Variants in LONRF2 observed in about 807,000 individuals in gnomAD.
LONRF2 encodes the protein LON peptidase N-terminal domain and ring finger 2, also known as LON peptidase N-terminal domain and RING finger protein 2.
In LONRF2, 35 loss-of-function variants were observed where a neutral mutation model predicts 66.6. That is an observed-to-expected ratio of 0.53 (90% CI 0.40 to 0.70). The LOEUF (loss-of-function observed/expected upper bound fraction) is 0.70. Among genes scored for constraint, LONRF2 ranks in the 30% least tolerant of loss-of-function variants. LONRF2 has a pLI of 0.00. For synonymous variants in LONRF2, 417 were observed against 418.1 expected, an observed-to-expected ratio of 1.00 and a Z score of 0.03; for missense variants, 902 against 1,002.1, an observed-to-expected ratio of 0.90 and a Z score of 1.35.
rs114518866 is a variant in LONRF2, at chr2:100,298,926, C to T, written c.1386G>A (p.Thr462=). 43 of 1,613,836 alleles carry T rather than the reference C, an allele frequency of 2.7e-5. No individual in the cohort carries two copies. In the East Asian group the frequency reaches 2.7e-4, roughly 10 times the overall value. The change falls in exon 7 of 12, where the codon ACG becomes ACA. Residue 462 remains threonine, a synonymous_variant. Transcript: ENST00000393437. ...TTAGGCAAAATGTGTGTCCACAGGG[C>T]GTAGTGACAGGTTCAAAGAGCAATC... ...CMRLLFEPVT[T]PCGHTFCLKC...
chr2:100,316,897 T>C (rs1675520304), intron 1 of LONRF2, among the ~76,000 whole-genome samples: 1 of 152,114 alleles, frequency 6.6e-6, no homozygotes, highest in South Asian at 2.1e-4. Context: ...TTATTACACA[T>C]TTTTTTTCTG....
At position 100,273,363 on chromosome 2, in the gene LONRF2, A is replaced by G. The variant is rs931826717; in HGVS notation, c.*10935T>C. 2 of 152,268 alleles carry G rather than the reference A, an allele frequency of 1.3e-5. No individual in the cohort carries two copies. The highest frequency in any genetic ancestry group is 2.9e-5 in the Non-Finnish European group (2 of 68,046). The allele number at this position is 152,268 out of a possible 1,614,324, so 9.4% of individuals were successfully genotyped here. ...ATGTGTTAGTACATCCCTACGACACAAACACAAAGGCCTAGGCACTGATTT... is the reference window on the plus strand; with the variant it reads ...ATGTGTTAGTACATCCCTACGACACGAACACAAAGGCCTAGGCACTGATTT... On this transcript the variant is annotated 3_prime_UTR_variant, in exon 12 of 12. Coordinates refer to ENST00000393437, the MANE Select transcript of LONRF2 (RefSeq NM_198461.4).
At chr2:100,311,962 A>G (rs1675419043) in intron 1 of LONRF2, among the ~76,000 whole-genome samples, 1 of 152,204 alleles carries the variant, frequency 6.6e-6, no homozygotes, top group South Asian at 2.1e-4. Context: ...GGATTTTGAC[A>G]TCTATATACA....
At position 100,309,138 on chromosome 2, in the gene LONRF2, G is replaced by A. The variant is rs765842061; in HGVS notation, c.767C>T (p.Ala256Val). The A allele has an allele frequency of 3.7e-6, 6 of 1,602,194 alleles. No individual in the cohort carries two copies. Among genetic ancestry groups the A allele is most frequent in the Non-Finnish European group, 4.3e-6 (5 of 1,175,720 alleles). Residue 256 changes from alanine to valine, a missense_variant, in exon 2 of 12, where the codon GCA becomes GTA. Physicochemically the swap from Ala to Val is moderately conservative, Grantham distance 64. Around this residue, in one of 2 missense-constraint regions of LONRF2, gnomAD observed 585 missense variants for 569.9 expected, o/e 1.03. Transcript: ENST00000393437. ...CAAGAGAGGTTCATTCTGACAAGCTGCACTGGCATCTTGGAGAGCTTGCTC... is the reference window on the plus strand; with the variant it reads ...CAAGAGAGGTTCATTCTGACAAGCTACACTGGCATCTTGGAGAGCTTGCTC... Reference protein sequence around the residue: ...NYEQALQDASAACQNEPLLIK... With the variant: ...NYEQALQDASVACQNEPLLIK...
Position 100,311,763 on chromosome 2 carries a change from G to A in LONRF2, c.680-2538C>T, listed in dbSNP as rs147444547. ...TTCTGTAAGGACTTTATAACAAGTA[G>A]GTGTTGAATTTTATAGACTGCTTTC... On this transcript the variant is annotated intron_variant, in intron 1 of 11. Coordinates refer to ENST00000393437, the MANE Select transcript of LONRF2 (RefSeq NM_198461.4). Among the ~76,000 whole-genome samples, 459 of 152,194 alleles carry A rather than the reference G, an allele frequency of 3.0e-3. 2 individuals carry two copies. The highest frequency in any genetic ancestry group is 0.011 in the African/African-American group (441 of 41,550).
chr2:100,306,526 T>TCC (rs1313009409), intron 2 of LONRF2, among the ~76,000 whole-genome samples: 3 of 152,200 alleles, frequency 2.0e-5, no homozygotes, highest in African/African-American at 7.2e-5. Context: ...ATCAAACTAA[T>TCC]CATGTGCCTA....
intron 10 of LONRF2, among the ~76,000 whole-genome samples, chr2:100,287,976 C>A (rs574888201): frequency 6.6e-6 from 1 of 152,102 alleles, no homozygotes; most frequent in African/African-American, 2.4e-5. Context: ...GCATATACCA[C>A]CCTCAATTTG....
chr2:100,296,900 G>T (rs541932217), intron 7 of LONRF2, among the ~76,000 whole-genome samples: 1 of 152,130 alleles, frequency 6.6e-6, no homozygotes, highest in African/African-American at 2.4e-5. Context: ...TCATTTATGT[G>T]CATGATGTGA....
In LONRF2 at chr2:100,302,847, C is replaced by T. The variant is rs565689740; in HGVS notation, c.921+74G>A. 6 of 1,341,376 alleles carry T rather than the reference C, an allele frequency of 4.5e-6. No individual in the cohort carries two copies. In the South Asian group the frequency reaches 1.2e-4, roughly 27 times the overall value. 83.1% of individuals were successfully genotyped at this position (1,341,376 alleles called of 1,614,324 possible). ...TTATATTTCTTGTTTATTTCACATGCAAGGGTTACTCAGCATGGACATGAA... is the reference window on the plus strand; with the variant it reads ...TTATATTTCTTGTTTATTTCACATGTAAGGGTTACTCAGCATGGACATGAA... On this transcript the variant is annotated intron_variant, in intron 3 of 11. Coordinates refer to ENST00000393437, the MANE Select transcript of LONRF2 (RefSeq NM_198461.4).
rs111880401 is a variant in LONRF2 at position 100,300,030 on chromosome 2, T to C, written c.1066-112A>G. 186 of 498,426 alleles carry C rather than the reference T, an allele frequency of 3.7e-4. 10 individuals are homozygous for C. Among genetic ancestry groups the C allele is most frequent in the African/African-American group, 3.5e-3 (165 of 47,336 alleles). 30.9% of individuals were successfully genotyped at this position (498,426 alleles called of 1,614,324 possible). Reference sequence around the variant, plus strand: ...CTTTGGAAAAAAAAAGGGGGGGGCATACACTCTTCTTCATAATTGGTTTCA... The same window carrying C: ...CTTTGGAAAAAAAAAGGGGGGGGCACACACTCTTCTTCATAATTGGTTTCA... On this transcript the variant is annotated intron_variant, in intron 4 of 11. Coordinates refer to ENST00000393437, the MANE Select transcript of LONRF2 (RefSeq NM_198461.4).
chr2:100,300,252 A>ATTT (rs35877708), intron 4 of LONRF2, among the ~76,000 whole-genome samples: 1 of 150,304 alleles, frequency 6.7e-6, no homozygotes, highest in East Asian at 2.0e-4. Flanking sequence ...CCTTTGCTTT[A>ATTT]TTTTTTTTTA....
Position 100,282,780 on chromosome 2 carries a change from C to A in LONRF2, c.*1518G>T, listed in dbSNP as rs1326737293. On this transcript the variant is annotated 3_prime_UTR_variant, in exon 12 of 12. Transcript: ENST00000393437. ...ATTAAGTGATGCTGGTATTTTCTAA[C>A]TCCCATGATGAGACTGAAAACTAAA... 1 of 140,028 alleles carries A rather than the reference C, an allele frequency of 7.1e-6. No individual in the cohort carries two copies. Among genetic ancestry groups the A allele is most frequent in the African/African-American group, 2.8e-5 (1 of 35,510 alleles). 8.7% of individuals were successfully genotyped at this position (140,028 alleles called of 1,614,324 possible).
In LONRF2 at chr2:100,321,903, A is replaced by G; in HGVS notation, c.191T>C (p.Leu64Pro). 10 of 1,291,212 alleles carry G rather than the reference A, an allele frequency of 7.7e-6. No homozygotes were observed. Among genetic ancestry groups the G allele is most frequent in the Non-Finnish European group, 9.8e-6 (10 of 1,019,544 alleles). The allele number at this position is 1,291,212 out of a possible 1,614,324, so 80.0% of individuals were successfully genotyped here. A position where few individuals can be genotyped will look rare whatever the true frequency, so the allele number is the denominator to read the frequency against. ...GCCGGCGCGGGCCAGCGCGTCCCCC[A>G]GCCTCAGGCACAGGCCGCGGTCCGG... ...AQPDRGLCLR[L>P]GDALARAGRL... The change falls in exon 1 of 12, where the codon CTG (leucine) becomes CCG (proline). Residue 64 changes from leucine (L) to proline (P), a missense_variant. Leu to Pro is a moderately conservative substitution (Grantham distance 98). Coordinates refer to ENST00000393437, the MANE Select transcript of LONRF2 (RefSeq NM_198461.4).
chr2:100,318,892 G>C (rs1399082259), intron 1 of LONRF2, among the ~76,000 whole-genome samples: 3 of 151,428 alleles, frequency 2.0e-5, no homozygotes, highest in South Asian at 4.2e-4. Flanking sequence ...AGCACTTTGG[G>C]AGGCTGAGGC....
rs1446196131 is a variant in LONRF2, at chr2:100,277,492, G to A, written c.*6806C>T. 6.6e-6 allele frequency: 1 copy of A among 152,152 alleles called. No individual in the cohort carries two copies. The allele number at this position is 152,152 out of a possible 1,614,324, so 9.4% of individuals were successfully genotyped here. On this transcript the variant is annotated 3_prime_UTR_variant, in exon 12 of 12. Transcript: ENST00000393437. ...CCTCTGGTGTATTCTACCCACAGGA[G>A]GGTGGTCTCCCATGTCCTCAGTCCC...
intron 1 of LONRF2, among the ~76,000 whole-genome samples, chr2:100,316,048 C>A (rs149967002): frequency 1.3e-5 from 2 of 151,984 alleles, no homozygotes; most frequent in African/African-American, 4.8e-5. Context: ...TGGCCGGGTG[C>A]GGTGGCTCAC....
chr2:100,295,065 G>A (rs2105721040), intron 8 of LONRF2, among the ~76,000 whole-genome samples: 1 of 151,450 alleles, frequency 6.6e-6, no homozygotes, highest in African/African-American at 2.4e-5. Flanking sequence ...GGCCAGGTTG[G>A]TTTTGAACTC....
At chr2:100,310,257 C>G (rs1268605267) in intron 1 of LONRF2, among the ~76,000 whole-genome samples, 5 of 152,196 alleles carry the variant, frequency 3.3e-5, no homozygotes, top group Admixed American at 3.3e-4. Context: ...AGAACCATCA[C>G]AGCCATTTTC....
Position 100,287,025 on chromosome 2 carries a change from G to A in LONRF2, c.1959C>T (p.His653=), listed in dbSNP as rs143218236. The A allele has an allele frequency of 1.0e-4, 167 of 1,614,024 alleles. No homozygotes were observed. Among genetic ancestry groups the A allele is most frequent in the Non-Finnish European group, 1.3e-4 (153 of 1,180,008 alleles). Residue 653 remains histidine, a synonymous_variant, in exon 11 of 12, where the codon CAC becomes CAT. Coordinates refer to ENST00000393437, the MANE Select transcript of LONRF2 (RefSeq NM_198461.4). Reference sequence around the variant, plus strand: ...AAACAGACTGTTGATGCACAGAATCGTGGAGAGCGGCAAGTTCTTCATACT... The same window carrying A: ...AAACAGACTGTTGATGCACAGAATCATGGAGAGCGGCAAGTTCTTCATACT... ...GPEYEELAAL[H]DSVHQQSVSW...
Sources: gnomAD v4.1 joint callset for allele counts (sites outside exome capture counted in the v4.1 genomes callset) on GRCh38, gnomAD v4.1.1 for gene constraint, gnomAD v4.1.1 regional missense constraint, MANE v1.5 for transcripts, NCBI Gene and HGNC (gene_info 2026-07-23, HGNC 2026-07-21) for gene names.